The following PDS5B variants were observed in gnomAD, a reference collection of about 807,000 sequenced individuals.
The protein encoded by PDS5B is PDS5 cohesin associated factor B.
PDS5B carries 51 observed loss-of-function variants against 184.1 expected under a neutral mutation model. The observed-to-expected ratio is 0.28, with a 90% CI of 0.22 to 0.35. PDS5B has a LOEUF of 0.35. Among genes scored for constraint, PDS5B ranks in the 10% least tolerant of loss-of-function variants. PDS5B has a pLI of 1.00. For synonymous variants in PDS5B, 566 were observed against 569.2 expected (o/e 0.99, Z 0.08); for missense variants, 1,180 against 1,723.3 (o/e 0.68, Z 5.58).
chr13:32,767,168 G>C (rs1390620133), intron 31 of PDS5B, among the ~76,000 whole-genome samples: 1 of 152,058 alleles, frequency 6.6e-6, no homozygotes, highest in African/African-American at 2.4e-5. Context: ...AATAATTTCA[G>C]ATCATGCCAA....
Position 32,773,180 on chromosome 13 carries a change from T to G in PDS5B, c.4173-9T>G. 1 of 1,593,268 alleles carries G rather than the reference T, an allele frequency of 6.3e-7. No homozygotes were observed. Among genetic ancestry groups the G allele is most frequent in the Non-Finnish European group, 8.5e-7 (1 of 1,173,384 alleles). On this transcript the variant is annotated splice_polypyrimidine_tract_variant and intron_variant, in intron 33 of 34. Coordinates refer to ENST00000315596, the MANE Select transcript of PDS5B (RefSeq NM_015032.4). ...ACGTTCATTGTGTTTTACATGTGTTTTACTCTAGCCGTGTAGGACGCTCCA... is the reference window on the plus strand; with the variant it reads ...ACGTTCATTGTGTTTTACATGTGTTGTACTCTAGCCGTGTAGGACGCTCCA...
chr13:32,686,742 A>C (rs974773057), intron 11 of PDS5B, among the ~76,000 whole-genome samples: 1 of 152,206 alleles, frequency 6.6e-6, no homozygotes, highest in South Asian at 2.1e-4. Context: ...CTGTGATTGC[A>C]CCACTTCACT....
chr13:32,669,221 C>T (rs1047478277), intron 7 of PDS5B, among the ~76,000 whole-genome samples: 7 of 151,888 alleles, frequency 4.6e-5, no homozygotes, highest in African/African-American at 1.7e-4. Flanking sequence ...GCCATTAGAG[C>T]ACACTAGGTG....
At chr13:32,678,066 T>A (rs1951120776) in intron 9 of PDS5B, among the ~76,000 whole-genome samples, 1 of 152,088 alleles carries the variant, frequency 6.6e-6, no homozygotes, top group Non-Finnish European at 1.5e-5. Flanking sequence ...AACTACCAGT[T>A]TACAGGATTT....
intron 1 of PDS5B, among the ~76,000 whole-genome samples, chr13:32,602,641 T>C (rs1399718226): frequency 2.0e-5 from 3 of 152,254 alleles, no homozygotes; most frequent in Admixed American, 1.3e-4. Flanking sequence ...CAAATGGTAT[T>C]TCTAGTTCTA....
chr13:32,665,055 A>G (rs960507142), intron 6 of PDS5B, among the ~76,000 whole-genome samples: 2 of 152,140 alleles, frequency 1.3e-5, no homozygotes, highest in African/African-American at 4.8e-5. Flanking sequence ...AGACAAAGGG[A>G]CATATGGAAA....
chr13:32,605,013 T>C (rs1046298023), intron 1 of PDS5B, among the ~76,000 whole-genome samples: 2 of 151,810 alleles, frequency 1.3e-5, no homozygotes, highest in African/African-American at 4.8e-5. Context: ...GTTGATCTTT[T>C]CAAAAAAACC....
chr13:32,687,108 T>C, intron 11 of PDS5B, 26 bp from the exon 12 acceptor site: 1 of 1,559,766 alleles, frequency 6.4e-7, no homozygotes, highest in Non-Finnish European at 8.7e-7. Context: ...CTTTTTACAT[T>C]ATAAATAAAA....
intron 1 of PDS5B, among the ~76,000 whole-genome samples, chr13:32,599,946 C>A (rs370660875): frequency 3.2e-4 from 48 of 152,066 alleles, no homozygotes; most frequent in African/African-American, 1.2e-3. Flanking sequence ...TTTTCTGCCC[C>A]ATTCCTCTGT....
At chr13:32,722,308 A>G (rs1246108910) in intron 19 of PDS5B, among the ~76,000 whole-genome samples, 1 of 152,258 alleles carries the variant, frequency 6.6e-6, no homozygotes, top group African/African-American at 2.4e-5. Context: ...TCGCGGCAGT[A>G]CAGTCCAGCC....
intron 1 of PDS5B, among the ~76,000 whole-genome samples, chr13:32,619,253 CAG>C (rs1555289648): frequency 3.9e-5 from 6 of 152,112 alleles, no homozygotes; most frequent in African/African-American, 7.2e-5. Context: ...CACTTAACAA[CAG>C]GGGTACATTC....
At chr13:32,679,746 A>G (rs1182475355) in intron 10 of PDS5B, among the ~76,000 whole-genome samples, 2 of 152,156 alleles carry the variant, frequency 1.3e-5, no homozygotes, top group African/African-American at 2.4e-5. Flanking sequence ...TTCCTACTCA[A>G]ATTTGCAGTG....
intron 6 of PDS5B, among the ~76,000 whole-genome samples, chr13:32,663,643 G>A (rs1047840185): frequency 1.3e-5 from 2 of 152,140 alleles, no homozygotes; most frequent in African/African-American, 4.8e-5. Flanking sequence ...TTTGATGTGA[G>A]GAACATTGTA....
At chr13:32,722,677 G>A (rs1271365028) in intron 19 of PDS5B, among the ~76,000 whole-genome samples, 1 of 152,216 alleles carries the variant, frequency 6.6e-6, no homozygotes, top group Admixed American at 6.5e-5. Flanking sequence ...TAATACAGAT[G>A]TTTAAAGGAC....
At chr13:32,592,083 A>G (rs1002106968) in intron 1 of PDS5B, among the ~76,000 whole-genome samples, 8 of 151,818 alleles carry the variant, frequency 5.3e-5, no homozygotes, top group African/African-American at 2.4e-5. Flanking sequence ...TATAGAGTCA[A>G]CCCCACCTTG....
chr13:32,616,238 A>G (rs965107840), intron 1 of PDS5B, among the ~76,000 whole-genome samples: 12 of 152,074 alleles, frequency 7.9e-5, no homozygotes. Flanking sequence ...TATTTTTAGT[A>G]GAGACAGGGT....
rs1396067392 is a variant in PDS5B at position 32,734,409 on chromosome 13, A to G, written c.2248-763A>G. 5.9e-5 allele frequency among the ~76,000 whole-genome samples: 9 copies of G among 152,210 alleles called. No homozygotes were observed. In the East Asian group the frequency reaches 1.5e-3, roughly 26 times the overall value. On this transcript the variant is annotated intron_variant, in intron 20 of 34. Transcript: ENST00000315596. Reference sequence around the variant, plus strand: ...TCATTCTTTTATCATGGTAAAATGCATATTAATGGTTGGGTTTCCTATCAG... The same window carrying G: ...TCATTCTTTTATCATGGTAAAATGCGTATTAATGGTTGGGTTTCCTATCAG...
chr13:32,659,113 A>G (rs1020174283), intron 5 of PDS5B, 41 bp from the exon 6 acceptor site: 1 of 1,463,454 alleles, frequency 6.8e-7, no homozygotes, highest in Non-Finnish European at 9.2e-7. Flanking sequence ...AATCCTGTAT[A>G]TCTCAGTTGT....
At chr13:32,625,096 C>G (rs1454589778) in intron 1 of PDS5B, among the ~76,000 whole-genome samples, 1 of 152,004 alleles carries the variant, frequency 6.6e-6, no homozygotes, top group African/African-American at 2.4e-5. Flanking sequence ...TAAGCTTTTC[C>G]TTTTCATTCA....
Sources: gnomAD v4.1 joint callset for allele counts (sites outside exome capture counted in the v4.1 genomes callset) on GRCh38, gnomAD v4.1.1 for gene constraint, MANE v1.5 for transcripts, NCBI Gene and HGNC (gene_info 2026-07-23, HGNC 2026-07-21) for gene names.